Variants in GRIA3 observed in about 807,000 individuals in gnomAD.
GRIA3 encodes glutamate receptor 3.
In GRIA3, 3 loss-of-function variants were observed where a neutral mutation model predicts 63.0. The ratio of observed to expected loss-of-function variants is 0.05; its 90% confidence interval spans 0.02 to 0.12. The LOEUF (loss-of-function observed/expected upper bound fraction) is 0.12. Among genes scored for constraint, GRIA3 ranks in the 10% least tolerant of loss-of-function variants. The probability of loss-of-function intolerance (pLI) is 1.00; values close to 1 mark genes in which losing one functional copy is unlikely to be tolerated. For missense variants in GRIA3, 347 were observed against 700.9 expected, an observed-to-expected ratio of 0.50 and a Z score of 5.70; for synonymous variants, 274 against 257.9, an observed-to-expected ratio of 1.06 and a Z score of -0.60.
chrX:123,353,400 T>C lies in GRIA3; in HGVS notation c.697-1510T>C, dbSNP rs766454886. On this transcript the variant is annotated intron_variant, in intron 4 of 15. Transcript: ENST00000620443. ...AAAAATTACATAAACTCTCTCTGAC[T>C]GAAATTCCTCATCTGTAAAATGAGA... Among the ~76,000 whole-genome samples, 95 of 112,239 alleles carry C rather than the reference T, an allele frequency of 8.5e-4. 1 individual carries two copies. The highest frequency in any genetic ancestry group is 1.8e-3 in the Admixed American group (19 of 10,562).
chrX:123,425,897 A>G (rs1043819627), intron 11 of GRIA3, among the ~76,000 whole-genome samples: 1 of 112,175 alleles, frequency 8.9e-6, no homozygotes, highest in Non-Finnish European at 1.9e-5. Flanking sequence ...AATACCTGCC[A>G]AAATTATTCA....
At chrX:123,344,596 T>C (rs1209745036) in intron 4 of GRIA3, among the ~76,000 whole-genome samples, 1 of 111,923 alleles carries the variant, frequency 8.9e-6, no homozygotes, top group African/African-American at 3.3e-5. Flanking sequence ...TAGTTCTTCA[T>C]AGAATCACTT....
intron 3 of GRIA3, among the ~76,000 whole-genome samples, chrX:123,301,472 A>G (rs1176552412): frequency 9.0e-6 from 1 of 111,519 alleles, no homozygotes; most frequent in Non-Finnish European, 1.9e-5. Flanking sequence ...TTCCTAATCT[A>G]TAGAATGGAG....
intron 11 of GRIA3, among the ~76,000 whole-genome samples, chrX:123,427,538 T>A (rs1166132289): frequency 9.0e-6 from 1 of 111,244 alleles, no homozygotes; most frequent in Non-Finnish European, 1.9e-5. Flanking sequence ...AAAAAATATA[T>A]ATTTTTTCCT....
chrX:123,478,138 G>A (rs185178971), intron 13 of GRIA3, among the ~76,000 whole-genome samples: 427 of 111,703 alleles, frequency 3.8e-3, no homozygotes, highest in Non-Finnish European at 7.0e-3. Context: ...TGGTAGTGAT[G>A]AGACAACAAC....
chrX:123,201,631 T>C (rs901783411), intron 2 of GRIA3, among the ~76,000 whole-genome samples: 2 of 110,530 alleles, frequency 1.8e-5, no homozygotes, highest in Admixed American at 1.9e-4. Context: ...CTAGAATTCA[T>C]GTCTCTTGAT....
chrX:123,363,345 T>A (rs1433311483), intron 5 of GRIA3, among the ~76,000 whole-genome samples: 1 of 112,567 alleles, frequency 8.9e-6, no homozygotes, highest in Admixed American at 9.4e-5. Context: ...ATAATAGTAC[T>A]GTATGAAGGA....
At chrX:123,341,954 GTAGA>G (rs1420021721) in intron 4 of GRIA3, among the ~76,000 whole-genome samples, 1 of 110,622 alleles carries the variant, frequency 9.0e-6, no homozygotes, top group Non-Finnish European at 1.9e-5. Flanking sequence ...ATCCTCTGAA[GTAGA>G]TAGGACTAAG....
chrX:123,416,697 T>A (rs146529727), intron 10 of GRIA3, among the ~76,000 whole-genome samples: 98 of 113,100 alleles, frequency 8.7e-4, no homozygotes, highest in South Asian at 2.1e-3. Flanking sequence ...CTGACAACTG[T>A]TTTACCCTTG....
intron 1 of GRIA3, among the ~76,000 whole-genome samples, chrX:123,185,511 G>A (rs1484807837): frequency 9.7e-6 from 1 of 102,970 alleles, no homozygotes; most frequent in Non-Finnish European, 2.0e-5. Context: ...GGGGCGGAGG[G>A]GGGGGGCGAC....
At chrX:123,459,361 G>C (rs1326773637) in intron 12 of GRIA3, among the ~76,000 whole-genome samples, 1 of 111,980 alleles carries the variant, frequency 8.9e-6, no homozygotes, top group African/African-American at 3.2e-5. Context: ...CAAGGTCTAA[G>C]TGGTAGGCTT....
rs893979934 is a variant in GRIA3, at chrX:123,489,709, T to C, written c.*999T>C. On this transcript the variant is annotated 3_prime_UTR_variant, in exon 16 of 16. Transcript: ENST00000620443. ...GAAACAACACTGTGTTTAGCTCGGC[T>C]TTCTCTGCTAAGTATGCCTTTCAAG... The C allele has an allele frequency of 2.7e-5, 3 of 112,330 alleles. No individual in the cohort carries two copies. Among genetic ancestry groups the C allele is most frequent in the Admixed American group, 9.5e-5 (1 of 10,576 alleles). The allele number at this position is 112,330 out of a possible 1,213,427, so 9.3% of individuals were successfully genotyped here.
intron 3 of GRIA3, among the ~76,000 whole-genome samples, chrX:123,268,501 AAT>A (rs1197652006): frequency 9.1e-6 from 1 of 109,647 alleles, no homozygotes; most frequent in African/African-American, 3.3e-5. Flanking sequence ...TAATAATATA[AAT>A]ATGTCATGGT....
chrX:123,252,892 C>T (rs1470119437), intron 2 of GRIA3, among the ~76,000 whole-genome samples: 4 of 111,731 alleles, frequency 3.6e-5, no homozygotes, highest in African/African-American at 1.3e-4. Context: ...TTCTCAGTCA[C>T]CTATGAGAAA....
intron 9 of GRIA3, 101 bp from the exon 10 acceptor site, chrX:123,404,607 T>C: frequency 5.2e-6 from 3 of 577,878 alleles, no homozygotes; most frequent in South Asian, 4.9e-5. Context: ...CTTTTTCACA[T>C]ACCAAACCTC....
rs148381957 is a variant in GRIA3 at position 123,456,589 on chromosome X, T to C, written c.2077-8276T>C. Among the ~76,000 whole-genome samples the C allele has an allele frequency of 9.5e-3, 1,053 of 110,353 alleles. 15 individuals are homozygous for C. Among genetic ancestry groups the C allele is most frequent in the African/African-American group, 0.033 (992 of 30,373 alleles). ...CCAGCCACACCTTACCCCTCCCTTA[T>C]AGTCCTACCCCACCCACCCTAGTAG... On this transcript the variant is annotated intron_variant, in intron 12 of 15. Transcript: ENST00000620443.
intron 3 of GRIA3, among the ~76,000 whole-genome samples, chrX:123,265,431 A>G (rs2044482336): frequency 1.8e-5 from 2 of 112,336 alleles, no homozygotes; most frequent in Non-Finnish European, 3.8e-5. Flanking sequence ...CAATAAAGTG[A>G]GCTAGAGAAA....
At chrX:123,475,207 A>G (rs1391715344) in intron 13 of GRIA3, among the ~76,000 whole-genome samples, 1 of 111,838 alleles carries the variant, frequency 8.9e-6, no homozygotes, top group African/African-American at 3.3e-5. Context: ...ATGCCACAAA[A>G]TGTTTTCTTA....
rs2045827054 is a variant in GRIA3, at chrX:123,464,976, G to A, written c.2188G>A (p.Gly730Arg). 1 of 1,210,566 alleles carries A rather than the reference G, an allele frequency of 8.3e-7. No homozygotes were observed. The highest frequency in any genetic ancestry group is 1.1e-6 in the Non-Finnish European group (1 of 894,743). The change falls in exon 13 of 16, where the codon GGA becomes AGA. Residue 730 changes from glycine (G) to arginine (R), a missense_variant. Transcript: ENST00000620443. The part of the protein sequence containing the change: ...DGVARVRKSK[G>R]KFAFLLESTM... ...AGTGGCCCGAGTGCGAAAGTCCAAG[G>A]GAAAGTTCGCCTTCCTGCTGGAGTC...
Sources: allele counts gnomAD v4.1 joint callset (sites outside exome capture counted in the v4.1 genomes callset), GRCh38; gene constraint gnomAD v4.1.1; transcripts MANE v1.5; gene names NCBI Gene and HGNC (gene_info 2026-07-23, HGNC 2026-07-21).